The following KIAA2012 variants were observed in gnomAD, a reference collection of about 807,000 sequenced individuals.
KIAA2012 encodes KIAA2012.
Under a neutral mutation model 150.6 loss-of-function variants are expected in KIAA2012, and 125 were observed. The observed-to-expected ratio is 0.83, with a 90% CI of 0.72 to 0.96. The LOEUF is 0.96. Ranked by LOEUF, KIAA2012 falls within the 40% of genes least tolerant of loss-of-function variation. The probability of loss-of-function intolerance (pLI) is 0.00; values close to 1 mark genes in which losing one functional copy is unlikely to be tolerated. For synonymous variants in KIAA2012, 462 were observed against 504.7 expected, an observed-to-expected ratio of 0.92 and a Z score of 1.13; for missense variants, 1,219 against 1,354.9, an observed-to-expected ratio of 0.90 and a Z score of 1.57.
At position 202,090,809 on chromosome 2, in the gene KIAA2012, C is replaced by G; in HGVS notation, c.409C>G (p.Arg137Gly). ...DRAWQPYLHF[R>G]SQLESQAQRQ... ...AGCCTGGCAACCATACCTCCACTTC[C>G]GAAGCCAGCTGGAGAGCCAGGCCCA... Residue 137 changes from arginine (R) to glycine (G), a missense_variant, in exon 3 of 24, where the codon CGA (arginine) becomes GGA (glycine). Physicochemically the swap from Arg to Gly is moderately radical, Grantham distance 125 (BLOSUM62 -2). Transcript: ENST00000498697. 2 of 1,550,562 alleles carry G rather than the reference C, an allele frequency of 1.3e-6. No homozygotes were observed. The highest frequency in any genetic ancestry group is 1.7e-6 in the Non-Finnish European group (2 of 1,146,942).
At chr2:202,133,101 T>TCAAAAAAAA (rs1553556979) in intron 12 of KIAA2012, among the ~76,000 whole-genome samples, 1 of 74,188 alleles carries the variant, frequency 1.3e-5, no homozygotes, top group East Asian at 2.9e-4. Flanking sequence ...TGAGACTGTC[T>TCAAAAAAAA]AAAAAAAAAT....
intron 22 of KIAA2012, among the ~76,000 whole-genome samples, chr2:202,198,556 C>T (rs2105754681): frequency 6.6e-6 from 1 of 152,322 alleles, no homozygotes; most frequent in South Asian, 2.1e-4. Flanking sequence ...TATTCTCCTA[C>T]ACTAGTGATT....
At chr2:202,123,199 C>G (rs374564672) in intron 11 of KIAA2012, among the ~76,000 whole-genome samples, 2 of 152,172 alleles carry the variant, frequency 1.3e-5, no homozygotes, top group South Asian at 4.1e-4. Context: ...CGGTGACAGA[C>G]GGTGTTCGTG....
intron 11 of KIAA2012, among the ~76,000 whole-genome samples, chr2:202,123,299 C>T (rs1399978867): frequency 6.6e-6 from 1 of 152,196 alleles, no homozygotes; most frequent in African/African-American, 2.4e-5. Flanking sequence ...CCACCCACCA[C>T]TCAATTCTTT....
At chr2:202,202,120 G>A (rs1692541841) in intron 22 of KIAA2012, among the ~76,000 whole-genome samples, 1 of 152,166 alleles carries the variant, frequency 6.6e-6, no homozygotes, top group African/African-American at 2.4e-5. Flanking sequence ...CCAAAGTGCT[G>A]CGATTGCAGG....
intron 19 of KIAA2012, among the ~76,000 whole-genome samples, chr2:202,193,081 C>T (rs1319142549): frequency 6.6e-6 from 1 of 152,110 alleles, no homozygotes; most frequent in Non-Finnish European, 1.5e-5. Flanking sequence ...AGTTGTGATC[C>T]CTAAATCCCA....
chr2:202,203,507 C>T (rs865823434), intron 23 of KIAA2012, among the ~76,000 whole-genome samples: 6 of 152,256 alleles, frequency 3.9e-5, no homozygotes, highest in South Asian at 2.1e-4. Flanking sequence ...CAGCACCAGC[C>T]GCATGTAGCT....
intron 10 of KIAA2012, among the ~76,000 whole-genome samples, chr2:202,110,828 A>G (rs568050600): frequency 6.6e-6 from 1 of 151,900 alleles, no homozygotes; most frequent in African/African-American, 2.4e-5. Context: ...CCCAGAGCAT[A>G]TATAGTTGAA....
intron 12 of KIAA2012, among the ~76,000 whole-genome samples, chr2:202,129,386 A>G (rs1270115166): frequency 6.6e-6 from 1 of 151,822 alleles, no homozygotes; most frequent in Admixed American, 6.6e-5. Flanking sequence ...CACCCGGCTA[A>G]TTTTTGTAAT....
chr2:202,132,652 C>T (rs1364615598), intron 12 of KIAA2012, among the ~76,000 whole-genome samples: 1 of 139,726 alleles, frequency 7.2e-6, no homozygotes, highest in South Asian at 2.3e-4. Context: ...CCAGGCTGGG[C>T]GGCAGAGCAA....
chr2:202,082,848 CA>C (rs1158913504), intron 2 of KIAA2012, among the ~76,000 whole-genome samples: 39 of 37,084 alleles, frequency 1.1e-3, no homozygotes, highest in Non-Finnish European at 1.4e-3. Context: ...AGTCCAATTT[CA>C]TTTTTTTTTT....
At chr2:202,106,619 G>A (rs181799567) in intron 9 of KIAA2012, among the ~76,000 whole-genome samples, 41 of 152,264 alleles carry the variant, frequency 2.7e-4, no homozygotes, top group African/African-American at 9.1e-4. Context: ...CCCAGGAGGC[G>A]GAGGTTGCAG....
intron 15 of KIAA2012, among the ~76,000 whole-genome samples, chr2:202,174,505 C>T (rs1364801436): frequency 6.6e-6 from 1 of 152,104 alleles, no homozygotes; most frequent in Admixed American, 6.5e-5. Context: ...AGCAAGATTA[C>T]TAAATACAGA....
intron 10 of KIAA2012, among the ~76,000 whole-genome samples, chr2:202,111,560 T>A (rs943256444): frequency 4.3e-5 from 6 of 138,880 alleles, no homozygotes; most frequent in Non-Finnish European, 9.2e-5. Context: ...GGACCAGGAC[T>A]GGGAAAAGAG....
At chr2:202,099,500 A>G (rs1689986061) in intron 5 of KIAA2012, 113 bp from the exon 6 acceptor site, 2 of 836,166 alleles carry the variant, frequency 2.4e-6, no homozygotes, top group Non-Finnish European at 3.6e-6. Flanking sequence ...CCCAACCTGC[A>G]AAAGAAATTT....
chr2:202,124,836 G>A (rs1690741699), intron 11 of KIAA2012, among the ~76,000 whole-genome samples: 1 of 152,206 alleles, frequency 6.6e-6, no homozygotes, highest in Non-Finnish European at 1.5e-5. Context: ...TTGGGAGGCT[G>A]AGGTGGGCAG....
rs12615065 is a variant in KIAA2012, at chr2:202,109,637, T to G, written c.1499T>G (p.Val500Gly). The G allele has an allele frequency of 0.18, 270,232 of 1,538,866 alleles. 25,078 individuals carry two copies. Among genetic ancestry groups the G allele is most frequent in the East Asian group, 0.22 (9,059 of 40,804 alleles). Reference sequence around the variant, plus strand: ...GATGATGATGCCCCACCTCACGATGTGGCCCCACCATTGGATCTTCTACCC... The same window carrying G: ...GATGATGATGCCCCACCTCACGATGGGGCCCCACCATTGGATCTTCTACCC... ...PQDDDAPPHD[V>G]APPLDLLPPI... Residue 500 changes from valine (V) to glycine (G), a missense_variant, in exon 10 of 24, where the codon GTG becomes GGG. By Grantham distance (109) the Val-to-Gly change is moderately radical. Coordinates refer to ENST00000498697, the MANE Select transcript of KIAA2012 (RefSeq NM_001277372.4).
chr2:202,119,567 C>A (rs1371881321), intron 11 of KIAA2012, among the ~76,000 whole-genome samples: 1 of 152,172 alleles, frequency 6.6e-6, no homozygotes, highest in Admixed American at 6.5e-5. Context: ...CAGATAAAAG[C>A]AGAACTATCT....
chr2:202,110,631 T>C (rs1690321519), intron 10 of KIAA2012, among the ~76,000 whole-genome samples: 1 of 152,162 alleles, frequency 6.6e-6, no homozygotes, highest in Non-Finnish European at 1.5e-5. Context: ...AACAGCAGAA[T>C]CACACTCAGG....
Sources: gnomAD v4.1 joint callset for allele counts (sites outside exome capture counted in the v4.1 genomes callset) on GRCh38, gnomAD v4.1.1 for gene constraint, MANE v1.5 for transcripts, NCBI Gene and HGNC (gene_info 2026-07-23, HGNC 2026-07-21) for gene names.